CDH23: variants seen among roughly 807,000 people sequenced by gnomAD.
CDH23 encodes cadherin-23.
CDH23 carries 189 observed loss-of-function variants against 317.1 expected under a neutral mutation model. That is an observed-to-expected ratio of 0.60 (90% CI 0.53 to 0.67). The LOEUF (loss-of-function observed/expected upper bound fraction) is 0.67, where lower values mean the gene tolerates loss of function less well. Ranked by LOEUF, CDH23 falls within the 30% of genes least tolerant of loss-of-function variation. CDH23 has a pLI of 0.00. For missense variants in CDH23, 4,401 were observed against 4,592.4 expected, an observed-to-expected ratio of 0.96 and a Z score of 1.20; for synonymous variants, 1,839 against 1,876.8, an observed-to-expected ratio of 0.98 and a Z score of 0.52.
intron 7 of CDH23, among the ~76,000 whole-genome samples, chr10:71,570,551 G>A (rs1564659537): frequency 6.6e-6 from 1 of 152,300 alleles, no homozygotes; most frequent in East Asian, 1.9e-4. Flanking sequence ...CTGGACCTTG[G>A]GGATGCTGTT....
chr10:71,785,825 G>A (rs576511807), intron 44 of CDH23, 87 bp downstream of exon 44: 8 of 844,040 alleles, frequency 9.5e-6, no homozygotes, highest in Middle Eastern at 2.2e-4. Context: ...AGGCAGCATA[G>A]CCAGGCTTAG....
At chr10:71,610,560 A>G (rs553771636) in intron 9 of CDH23, among the ~76,000 whole-genome samples, 2 of 152,326 alleles carry the variant, frequency 1.3e-5, no homozygotes, top group African/African-American at 4.8e-5. Context: ...CACACAGAAG[A>G]TGGGATATCT....
chr10:71,792,685 G>A (rs1841282980), intron 47 of CDH23, among the ~76,000 whole-genome samples: 1 of 151,298 alleles, frequency 6.6e-6, no homozygotes, highest in South Asian at 2.1e-4. Flanking sequence ...AGCCAGGCAT[G>A]GTAGTGGGTG....
intron 41 of CDH23, among the ~76,000 whole-genome samples, chr10:71,783,134 C>G (rs1564791295): frequency 6.6e-6 from 1 of 151,976 alleles, no homozygotes; most frequent in African/African-American, 2.4e-5. Context: ...AGGTAACTAA[C>G]CTTCTCTCCA....
chr10:71,677,761 CT>C, intron 16 of CDH23, 68 bp downstream of exon 16: 1 of 1,343,598 alleles, frequency 7.4e-7, no homozygotes, highest in South Asian at 1.3e-5. Context: ...TGCTTGCTTG[CT>C]TCTTTTTTGT....
At chr10:71,761,054 T>G in intron 38 of CDH23, 1 of 884,034 alleles carries the variant, frequency 1.1e-6, no homozygotes, top group South Asian at 1.4e-5. Flanking sequence ...GTTGGCCCAG[T>G]GGCAGCCTGC....
intron 3 of CDH23, chr10:71,509,875 GAC>G (rs1443396074): frequency 3.4e-6 from 2 of 593,256 alleles, no homozygotes; most frequent in African/African-American, 3.7e-5. Flanking sequence ...ATACCATCAT[GAC>G]ACACTGTGAC....
At chr10:71,483,292 C>G (rs547981275) in intron 3 of CDH23, among the ~76,000 whole-genome samples, 1 of 152,342 alleles carries the variant, frequency 6.6e-6, no homozygotes, top group East Asian at 1.9e-4. Flanking sequence ...GACACCCAAG[C>G]CCACAAGAGG....
At chr10:71,750,787 G>A (rs1334259851) in intron 38 of CDH23, 1 of 155,756 alleles carries the variant, frequency 6.4e-6, no homozygotes, top group Non-Finnish European at 1.4e-5. Context: ...TCTGACAGAA[G>A]AGCAGCCTCG....
intron 3 of CDH23, among the ~76,000 whole-genome samples, chr10:71,476,859 AGAGT>A (rs1851819894): frequency 6.6e-6 from 1 of 152,140 alleles, no homozygotes; most frequent in Admixed American, 6.5e-5. Flanking sequence ...TGGCTCTTCC[AGAGT>A]GAGAACATTC....
At chr10:71,469,674 C>T (rs1213418801) in intron 3 of CDH23, among the ~76,000 whole-genome samples, 1 of 151,794 alleles carries the variant, frequency 6.6e-6, no homozygotes, top group Non-Finnish European at 1.5e-5. Context: ...GGCACAATCT[C>T]AGCTCGCTGC....
At chr10:71,796,886 C>T (rs1589426822) in intron 48 of CDH23, 2 of 471,528 alleles carry the variant, frequency 4.2e-6, no homozygotes, top group Non-Finnish European at 7.8e-6. Context: ...ACATAACTTC[C>T]CCAACATCAC....
intron 14 of CDH23, among the ~76,000 whole-genome samples, chr10:71,649,160 C>T (rs918326802): frequency 1.3e-5 from 2 of 152,272 alleles, no homozygotes; most frequent in African/African-American, 4.8e-5. Flanking sequence ...CCCTCCACAC[C>T]GCCCTGCCCT....
intron 57 of CDH23, 63 bp from the exon 58 acceptor site, chr10:71,807,214 A>T (rs1841757249): frequency 6.3e-7 from 1 of 1,589,742 alleles, no homozygotes; most frequent in Non-Finnish European, 8.6e-7. Context: ...GGGCCCTGAA[A>T]CAGGGACTGG....
chr10:71,738,438 A>G, intron 34 of CDH23, 60 bp from the exon 35 acceptor site: 5 of 1,608,154 alleles, frequency 3.1e-6, no homozygotes, highest in Non-Finnish European at 4.3e-6. Context: ...GGTGGGACCC[A>G]GGTGTTTGGG....
intron 38 of CDH23, chr10:71,755,047 G>A: frequency 1.9e-6 from 1 of 525,542 alleles, no homozygotes; most frequent in Non-Finnish European, 3.7e-6. Context: ...TCTCTGAGTG[G>A]CAGCAACTTG....
At chr10:71,733,153 C>T (rs1321699191) in intron 32 of CDH23, among the ~76,000 whole-genome samples, 2 of 152,196 alleles carry the variant, frequency 1.3e-5, no homozygotes, top group Non-Finnish European at 2.9e-5. Context: ...CAGGGAAACA[C>T]TTTACTTACT....
chr10:71,440,408 C>T (rs191000728), intron 2 of CDH23, among the ~76,000 whole-genome samples: 3 of 152,214 alleles, frequency 2.0e-5, no homozygotes, highest in Admixed American at 1.3e-4. Flanking sequence ...AAGATGGGCG[C>T]GGCTCCAGGG....
chr10:71,498,762 C>G (rs556801385), intron 3 of CDH23, among the ~76,000 whole-genome samples: 1 of 152,318 alleles, frequency 6.6e-6, no homozygotes, highest in South Asian at 2.1e-4. Context: ...TATGACTGGT[C>G]CTCGCAGCCC....
Sources: allele counts gnomAD v4.1 joint callset (sites outside exome capture counted in the v4.1 genomes callset), GRCh38; gene constraint gnomAD v4.1.1; transcripts MANE v1.5; gene names NCBI Gene and HGNC (gene_info 2026-07-23, HGNC 2026-07-21).